Variants in CSMD3 observed in about 807,000 individuals in gnomAD.
CSMD3 encodes the protein CUB and sushi domain-containing protein 3.
In CSMD3, 177 loss-of-function variants were observed where a neutral mutation model predicts 435.2. The observed-to-expected ratio is 0.41, with a 90% CI of 0.36 to 0.46. The LOEUF (loss-of-function observed/expected upper bound fraction) is 0.46, where lower values mean the gene tolerates loss of function less well. Ranked by LOEUF, CSMD3 falls within the 20% of genes least tolerant of loss-of-function variation. The pLI is 0.34. For missense variants in CSMD3, 4,265 were observed against 4,504.6 expected (o/e 0.95, Z 1.52); for synonymous variants, 1,656 against 1,520.5 (o/e 1.09, Z -2.07).
intron 9 of CSMD3, among the ~76,000 whole-genome samples, chr8:112,928,433 T>A (rs2082983386): frequency 6.6e-6 from 1 of 152,150 alleles, no homozygotes; most frequent in South Asian, 2.1e-4. Flanking sequence ...TCCTCAAAAA[T>A]CCTTGCTATA....
chr8:113,316,926 A>G (rs2093914999), intron 1 of CSMD3, among the ~76,000 whole-genome samples: 1 of 152,148 alleles, frequency 6.6e-6, no homozygotes, highest in Non-Finnish European at 1.5e-5. Flanking sequence ...TGGTTGACCA[A>G]TATAATCCTA....
chr8:113,297,771 A>G (rs1280744357), intron 2 of CSMD3, among the ~76,000 whole-genome samples: 1 of 152,104 alleles, frequency 6.6e-6, no homozygotes, highest in Admixed American at 6.6e-5. Context: ...ATATTTTTTG[A>G]TAAAGAAACA....
chr8:112,981,099 T>A (rs1264693172), intron 6 of CSMD3, among the ~76,000 whole-genome samples: 2 of 151,526 alleles, frequency 1.3e-5, no homozygotes, highest in South Asian at 2.1e-4. Flanking sequence ...AAATTTGATT[T>A]CAAATTAAAA....
rs1259308702 is a variant in CSMD3, at chr8:112,223,030, A to G, written c.*1741T>C. The G allele has an allele frequency of 7.5e-6, 3 of 398,414 alleles. No individual in the cohort carries two copies. In the Admixed American group the frequency reaches 1.3e-4, roughly 18 times the overall value. The allele number at this position is 398,414 out of a possible 1,614,324, so 24.7% of individuals were successfully genotyped here. On this transcript the variant is annotated 3_prime_UTR_variant, in exon 71 of 71. Transcript: ENST00000297405. Reference sequence around the variant, plus strand: ...TTTCATAAAAATATACTTCTTTACAAAAGTGTATGCATTAATATAAGAGGA... The same window carrying G: ...TTTCATAAAAATATACTTCTTTACAGAAGTGTATGCATTAATATAAGAGGA...
At chr8:113,261,718 C>T (rs2093428923) in intron 3 of CSMD3, among the ~76,000 whole-genome samples, 1 of 152,004 alleles carries the variant, frequency 6.6e-6, no homozygotes, top group Non-Finnish European at 1.5e-5. Flanking sequence ...CAACAACCCT[C>T]TAAAAAATAC....
intron 28 of CSMD3, 42 bp from the exon 29 acceptor site, chr8:112,506,871 T>C (rs1174702129): frequency 6.6e-7 from 1 of 1,525,450 alleles, no homozygotes. Context: ...TAAACATTAA[T>C]ACAATTTATT....
chr8:112,918,643 T>C lies in CSMD3; in HGVS notation c.1633+2984A>G, dbSNP rs186356707. ...TGCATATCCAACAAGGGAATAATTG[T>C]TTTCACCACTGTAAACTGGCAAATA... is the stretch of plus-strand genomic sequence containing the variant. On this transcript the variant is annotated intron_variant, in intron 10 of 70. Transcript: ENST00000297405. Among the ~76,000 whole-genome samples the C allele has an allele frequency of 1.6e-3, 249 of 151,972 alleles. 1 individual carries two copies. The highest frequency in any genetic ancestry group is 1.3e-3 in the Non-Finnish European group (87 of 67,880).
At chr8:113,411,254 A>T (rs1276341051) in intron 1 of CSMD3, among the ~76,000 whole-genome samples, 1 of 152,222 alleles carries the variant, frequency 6.6e-6, no homozygotes, top group East Asian at 1.9e-4. Flanking sequence ...GCCTCTCCAT[A>T]TACCTAGAGT....
rs2131802623 is a variant in CSMD3, at chr8:112,685,452, C to G, written c.2436G>C (p.Gln812His). The change falls in exon 15 of 71, where the codon CAG (glutamine) becomes CAC (histidine). Residue 812 changes from glutamine to histidine, a missense_variant. Physicochemically the swap from Gln to His is conservative, Grantham distance 24 (BLOSUM62 0). Around this residue, in one of 3 missense-constraint regions of CSMD3, gnomAD observed 279 missense variants for 369.0 expected, o/e 0.76. Coordinates refer to ENST00000297405, the MANE Select transcript of CSMD3 (RefSeq NM_198123.2). The stretch of plus-strand genomic sequence containing the variant: ...CACGTCCTGACATTGAGTGGTCAGC[C>G]TGAAATTCCAATCGCAGTATGTGAC... ...SNSHILRLEF[Q>H]ADHSMSGRGF... The G allele has an allele frequency of 1.2e-6, 2 of 1,613,956 alleles. No individual in the cohort carries two copies. The highest frequency in any genetic ancestry group is 1.7e-6 in the Non-Finnish European group (2 of 1,179,932).
intron 3 of CSMD3, among the ~76,000 whole-genome samples, chr8:113,266,433 A>G (rs530495807): frequency 6.6e-6 from 1 of 151,288 alleles, no homozygotes; most frequent in Non-Finnish European, 1.5e-5. Context: ...ATATTTTCTC[A>G]TATCCATTTA....
chr8:113,215,093 A>G (rs1041678137), intron 3 of CSMD3, among the ~76,000 whole-genome samples: 1 of 151,914 alleles, frequency 6.6e-6, no homozygotes, highest in Non-Finnish European at 1.5e-5. Flanking sequence ...TATTCGTAAT[A>G]AAATATCATT....
chr8:112,283,499 G>A (rs1317870284), intron 58 of CSMD3, among the ~76,000 whole-genome samples: 1 of 151,548 alleles, frequency 6.6e-6, no homozygotes, highest in Admixed American at 6.6e-5. Context: ...ATATGATTAT[G>A]TATTAATATG....
chr8:113,157,050 A>T (rs2091949015), intron 4 of CSMD3, among the ~76,000 whole-genome samples: 1 of 152,106 alleles, frequency 6.6e-6, no homozygotes, highest in Non-Finnish European at 1.5e-5. Context: ...ACAAAAATAA[A>T]AACAAAACTG....
intron 7 of CSMD3, among the ~76,000 whole-genome samples, chr8:112,960,455 G>C (rs907335829): frequency 2.3e-4 from 35 of 151,800 alleles, no homozygotes; most frequent in African/African-American, 7.9e-4. Flanking sequence ...TTTTAAAAAA[G>C]TGACTAGAGG....
At chr8:112,850,686 C>T (rs1195919817) in intron 11 of CSMD3, among the ~76,000 whole-genome samples, 1 of 152,170 alleles carries the variant, frequency 6.6e-6, no homozygotes. Context: ...GCTACAGACT[C>T]AATACACTTC....
At chr8:112,467,002 A>G (rs2130717923) in intron 32 of CSMD3, among the ~76,000 whole-genome samples, 1 of 152,324 alleles carries the variant, frequency 6.6e-6, no homozygotes, top group Admixed American at 6.5e-5. Flanking sequence ...GGTTGTGAAT[A>G]AGAAATAAAC....
intron 1 of CSMD3, among the ~76,000 whole-genome samples, chr8:113,402,301 T>C (rs1027951298): frequency 2.6e-5 from 4 of 151,460 alleles, no homozygotes; most frequent in African/African-American, 7.2e-5. Context: ...GATACTAATT[T>C]GAGTTTGACT....
intron 53 of CSMD3, 72 bp from the exon 54 acceptor site, chr8:112,296,078 A>G (rs2130718190): frequency 8.3e-7 from 1 of 1,199,524 alleles, no homozygotes. Context: ...TACATGTGGA[A>G]CATGAGCAAA....
intron 27 of CSMD3, among the ~76,000 whole-genome samples, chr8:112,523,989 C>G (rs1415994076): frequency 4.6e-5 from 7 of 152,012 alleles, no homozygotes; most frequent in Non-Finnish European, 7.4e-5. Context: ...TAATATACTT[C>G]CAAGTATATA....
Sources: allele counts gnomAD v4.1 joint callset (sites outside exome capture counted in the v4.1 genomes callset), GRCh38; gene constraint gnomAD v4.1.1; regional missense constraint gnomAD v4.1.1; transcripts MANE v1.5; gene names NCBI Gene and HGNC (gene_info 2026-07-23, HGNC 2026-07-21).